Variants in SLC24A3 observed in about 807,000 individuals in gnomAD.
The protein encoded by SLC24A3 is solute carrier family 24 member 3, also known as sodium/potassium/calcium exchanger 3.
In SLC24A3, 28 loss-of-function variants were observed where a neutral mutation model predicts 75.8. The observed-to-expected ratio is 0.37, with a 90% confidence interval of 0.27 to 0.51. The LOEUF (loss-of-function observed/expected upper bound fraction) is 0.51. Ranked by LOEUF, SLC24A3 falls within the 20% of genes least tolerant of loss-of-function variation. SLC24A3 has a pLI of 0.94. For missense variants in SLC24A3, 663 were observed against 847.8 expected (o/e 0.78, Z 2.71); for synonymous variants, 372 against 334.1 (o/e 1.11, Z -1.24).
At chr20:19,594,468 C>A (rs2031424110) in intron 6 of SLC24A3, among the ~76,000 whole-genome samples, 1 of 152,234 alleles carries the variant, frequency 6.6e-6, no homozygotes, top group African/African-American at 2.4e-5. Flanking sequence ...AAGCCAGGGT[C>A]ATAGTCCACT....
At chr20:19,714,189 G>A (rs2033018945) in intron 15 of SLC24A3, among the ~76,000 whole-genome samples, 1 of 152,076 alleles carries the variant, frequency 6.6e-6, no homozygotes, top group Admixed American at 6.6e-5. Flanking sequence ...GATTGCTTGA[G>A]GCCAGGAGTT....
rs552617816 is a variant in SLC24A3 at position 19,255,755 on chromosome 20, A to G, written c.143-25204A>G. Among the ~76,000 whole-genome samples, 13 of 152,330 alleles carry G rather than the reference A, an allele frequency of 8.5e-5. No individual in the cohort carries two copies. The South Asian group carries it at 1.2e-3, about 15-fold the overall frequency. On this transcript the variant is annotated intron_variant, in intron 1 of 16. Transcript: ENST00000328041. ...GATGTGCTGTGAGTATAAAATGCAC[A>G]GTGGCTTTTAAGGGCTTAGTACAAA...
chr20:19,627,080 T>C (rs991511412), intron 6 of SLC24A3, among the ~76,000 whole-genome samples: 14 of 152,218 alleles, frequency 9.2e-5, no homozygotes, highest in Non-Finnish European at 1.9e-4. Context: ...TCAGATTCTC[T>C]TGTTATCTGC....
chr20:19,572,135 A>G (rs2031062126), intron 3 of SLC24A3, among the ~76,000 whole-genome samples: 1 of 152,144 alleles, frequency 6.6e-6, no homozygotes, highest in African/African-American at 2.4e-5. Flanking sequence ...CCAGGAATTC[A>G]ACACCAGCCT....
intron 2 of SLC24A3, among the ~76,000 whole-genome samples, chr20:19,328,191 A>G (rs1984914796): frequency 6.6e-6 from 1 of 151,868 alleles, no homozygotes; most frequent in Non-Finnish European, 1.5e-5. Context: ...AATGGCACAG[A>G]GGGTCAGTGT....
intron 1 of SLC24A3, among the ~76,000 whole-genome samples, chr20:19,236,387 C>T (rs1003710521): frequency 2.6e-5 from 4 of 152,128 alleles, no homozygotes; most frequent in African/African-American, 7.2e-5. Context: ...TTCTGTCCCT[C>T]CCAGGGGGTT....
intron 2 of SLC24A3, among the ~76,000 whole-genome samples, chr20:19,438,511 G>A (rs561743521): frequency 1.7e-4 from 26 of 151,716 alleles, no homozygotes; most frequent in African/African-American, 2.4e-4. Context: ...CTCTGCACCC[G>A]ACACCCCCAT....
chr20:19,701,106 AGGGCTGACATTGAGCCTTTCACATGT>A (rs2032866628), intron 15 of SLC24A3, among the ~76,000 whole-genome samples: 1 of 152,198 alleles, frequency 6.6e-6, no homozygotes, highest in African/African-American at 2.4e-5. Flanking sequence ...AAGCCCCATG[AGGGCTGACATTGAGCCTTTCACATGT>A]CTGTCTTCTT....
Position 19,665,849 on chromosome 20 carries a change from T to G in SLC24A3, c.688-15T>G, listed in dbSNP as rs759635559. 2 of 1,597,112 alleles carry G rather than the reference T, an allele frequency of 1.3e-6. No individual in the cohort carries two copies. The highest frequency in any genetic ancestry group is 1.7e-6 in the Non-Finnish European group (2 of 1,170,716). ...TGTGTGTGTCTAATCTTCTATTCTT[T>G]TTATTTTTTCACAGTTTATTTATGA... On this transcript the variant is annotated splice_polypyrimidine_tract_variant and intron_variant, in intron 7 of 16. Coordinates refer to ENST00000328041, the MANE Select transcript of SLC24A3 (RefSeq NM_020689.4).
chr20:19,599,745 A>G (rs1445476203), intron 6 of SLC24A3, among the ~76,000 whole-genome samples: 1 of 152,178 alleles, frequency 6.6e-6, no homozygotes, highest in South Asian at 2.1e-4. Context: ...CCTGATGCCA[A>G]TACGCTGTGG....
intron 1 of SLC24A3, among the ~76,000 whole-genome samples, chr20:19,239,690 T>C (rs1195584564): frequency 6.6e-6 from 1 of 152,178 alleles, no homozygotes; most frequent in Non-Finnish European, 1.5e-5. Context: ...ACCAATTTGA[T>C]CCACACCACC....
chr20:19,410,697 A>G (rs76198552), intron 2 of SLC24A3, among the ~76,000 whole-genome samples: 8 of 152,218 alleles, frequency 5.3e-5, no homozygotes, highest in Admixed American at 3.9e-4. Flanking sequence ...CTGGCACATA[A>G]TAGGTGCTCA....
chr20:19,394,772 A>T (rs1045643241), intron 2 of SLC24A3, among the ~76,000 whole-genome samples: 1 of 152,204 alleles, frequency 6.6e-6, no homozygotes, highest in Non-Finnish European at 1.5e-5. Context: ...CTTGGAGGGA[A>T]TGTAAAATGG....
chr20:19,605,370 C>T (rs2031583811), intron 6 of SLC24A3, among the ~76,000 whole-genome samples: 1 of 152,018 alleles, frequency 6.6e-6, no homozygotes, highest in Non-Finnish European at 1.5e-5. Context: ...AGTCTGTTTC[C>T]AATTAAGACT....
At chr20:19,269,690 G>A (rs1272946591) in intron 1 of SLC24A3, among the ~76,000 whole-genome samples, 1 of 152,200 alleles carries the variant, frequency 6.6e-6, no homozygotes, top group Non-Finnish European at 1.5e-5. Context: ...GCACTTGAGT[G>A]TCATTCAGTA....
intron 2 of SLC24A3, among the ~76,000 whole-genome samples, chr20:19,336,498 C>A (rs1985138549): frequency 6.6e-6 from 1 of 152,144 alleles, no homozygotes; most frequent in Non-Finnish European, 1.5e-5. Context: ...CGATTCTCAT[C>A]CCTCAGCTTC....
At chr20:19,662,397 G>T (rs1021911449) in intron 7 of SLC24A3, among the ~76,000 whole-genome samples, 1 of 152,258 alleles carries the variant, frequency 6.6e-6, no homozygotes, top group Admixed American at 6.5e-5. Context: ...ACCTGCCCCT[G>T]GAACACCACC....
intron 1 of SLC24A3, among the ~76,000 whole-genome samples, chr20:19,263,426 C>G (rs1470093446): frequency 6.6e-6 from 1 of 152,034 alleles, no homozygotes; most frequent in Non-Finnish European, 1.5e-5. Flanking sequence ...TGTCAGGAGT[C>G]TGAAAAATAA....
At chr20:19,585,106 G>A (rs758686560) in intron 5 of SLC24A3, 51 bp downstream of exon 5, 2 of 1,528,928 alleles carry the variant, frequency 1.3e-6, no homozygotes, top group African/African-American at 2.7e-5. Flanking sequence ...TGAAGGAAAA[G>A]GGCTCTGGGA....
Sources: allele counts gnomAD v4.1 joint callset (sites outside exome capture counted in the v4.1 genomes callset), GRCh38; gene constraint gnomAD v4.1.1; transcripts MANE v1.5; gene names NCBI Gene and HGNC (gene_info 2026-07-23, HGNC 2026-07-21).